CYLD: variants seen among roughly 807,000 people sequenced by gnomAD.
The protein encoded by CYLD is CYLD lysine 63 deubiquitinase.
Under a neutral mutation model 104.5 loss-of-function variants are expected in CYLD, and 26 were observed. The observed-to-expected ratio is 0.25, with a 90% CI of 0.18 to 0.35. CYLD has a LOEUF of 0.35. Among genes scored for constraint, CYLD ranks in the 10% least tolerant of loss-of-function variants. The pLI is 1.00. For synonymous variants in CYLD, 385 were observed against 399.9 expected, an observed-to-expected ratio of 0.96 and a Z score of 0.45; for missense variants, 703 against 1,136.1, an observed-to-expected ratio of 0.62 and a Z score of 5.48.
At chr16:50,755,743 T>C (rs1967158363) in intron 5 of CYLD, among the ~76,000 whole-genome samples, 1 of 152,168 alleles carries the variant, frequency 6.6e-6, no homozygotes, top group African/African-American at 2.4e-5. Flanking sequence ...GTTTTTTTCT[T>C]GCTGATTTGT....
chr16:50,767,663 A>G (rs1004934840), intron 5 of CYLD, among the ~76,000 whole-genome samples: 1 of 152,180 alleles, frequency 6.6e-6, no homozygotes, highest in Non-Finnish European at 1.5e-5. Context: ...GTTTAGTATT[A>G]TAATTTAAGA....
intron 15 of CYLD, among the ~76,000 whole-genome samples, chr16:50,792,236 A>C (rs1399127489): frequency 6.6e-6 from 1 of 152,206 alleles, no homozygotes; most frequent in Non-Finnish European, 1.5e-5. Context: ...ATTTGTTGAA[A>C]TATAATGAGT....
At chr16:50,769,503 C>T (rs778661059) in intron 5 of CYLD, among the ~76,000 whole-genome samples, 10 of 151,958 alleles carry the variant, frequency 6.6e-5, no homozygotes, top group African/African-American at 1.2e-4. Context: ...AGTCTTTGGC[C>T]GATTATTAAT....
At chr16:50,784,236 C>T in intron 11 of CYLD, 93 bp from the exon 12 acceptor site, 1 of 1,365,746 alleles carries the variant, frequency 7.3e-7, no homozygotes, top group Non-Finnish European at 1.0e-6. Flanking sequence ...GTTCTCCAGA[C>T]TTTACTTATT....
chr16:50,799,499 A>G lies in CYLD; in HGVS notation c.*2991A>G. Reference sequence around the variant, plus strand: ...AAACAGCAACAAAAATCAACTAAATATGTTGTTACTGTTGCTAAGGATTTT... The same window carrying G: ...AAACAGCAACAAAAATCAACTAAATGTGTTGTTACTGTTGCTAAGGATTTT... On this transcript the variant is annotated 3_prime_UTR_variant, in exon 19 of 19. Transcript: ENST00000427738. 2 of 233,678 alleles carry G rather than the reference A, an allele frequency of 8.6e-6. No individual in the cohort carries two copies. The highest frequency in any genetic ancestry group is 4.4e-5 in the African/African-American group (2 of 45,444). The allele number at this position is 233,678 out of a possible 1,614,324, so 14.5% of individuals were successfully genotyped here. A position where few individuals can be genotyped will look rare whatever the true frequency, so the allele number is the denominator to read the frequency against.
intron 5 of CYLD, among the ~76,000 whole-genome samples, chr16:50,765,507 C>T (rs1968403908): frequency 6.6e-6 from 1 of 152,128 alleles, no homozygotes; most frequent in Non-Finnish European, 1.5e-5. Context: ...AGTCATAATC[C>T]TACAATGGCC....
chr16:50,747,539 G>A (rs1437409137), intron 2 of CYLD, among the ~76,000 whole-genome samples: 1 of 152,178 alleles, frequency 6.6e-6, no homozygotes, highest in Non-Finnish European at 1.5e-5. Flanking sequence ...ACATTTTCTT[G>A]TGGAAAGTGT....
At chr16:50,771,924 C>T (rs1488017386) in intron 5 of CYLD, among the ~76,000 whole-genome samples, 2 of 152,132 alleles carry the variant, frequency 1.3e-5, no homozygotes, top group Non-Finnish European at 2.9e-5. Context: ...GTGTGTCTGT[C>T]CTACTGCCCA....
At position 50,751,826 on chromosome 16, in the gene CYLD, A is replaced by G. The variant is rs1966645637; in HGVS notation, c.727A>G (p.Thr243Ala). The stretch of plus-strand genomic sequence containing the variant: ...CAGAGTTTCTTTGAAGGTTGGAGAA[A>G]CAATAGAATCTGGAACAGTTATATT... Reference protein sequence around the residue: ...NSRVSLKVGETIESGTVIFCD... With the variant: ...NSRVSLKVGEAIESGTVIFCD... The change falls in exon 4 of 19, where the codon ACA becomes GCA. Residue 243 changes from threonine to alanine, a missense_variant. Physicochemically the swap from Thr to Ala is moderately conservative, Grantham distance 58 (BLOSUM62 0). Transcript: ENST00000427738. 6.2e-7 allele frequency: 1 copy of G among 1,613,510 alleles called. No homozygotes were observed. The highest frequency in any genetic ancestry group is 1.7e-5 in the Admixed American group (1 of 59,908).
chr16:50,779,629 T>C, intron 8 of CYLD, 36 bp from the exon 9 acceptor site: 2 of 1,607,050 alleles, frequency 1.2e-6, no homozygotes, highest in South Asian at 2.2e-5. Flanking sequence ...GTCAATATCC[T>C]TGAATACATT....
chr16:50,763,493 G>A (rs1193011723), intron 5 of CYLD, among the ~76,000 whole-genome samples: 1 of 152,114 alleles, frequency 6.6e-6, no homozygotes, highest in Non-Finnish European at 1.5e-5. Context: ...TACTAGCAGT[G>A]TGTAAGCGTT....
At chr16:50,788,136 T>C (rs1458863614) in intron 14 of CYLD, among the ~76,000 whole-genome samples, 2 of 152,202 alleles carry the variant, frequency 1.3e-5, no homozygotes, top group Non-Finnish European at 2.9e-5. Context: ...TATATATATT[T>C]TCATAATTTC....
At chr16:50,766,736 T>G (rs9925070) in intron 5 of CYLD, among the ~76,000 whole-genome samples, 48,009 of 152,034 alleles carry the variant, frequency 0.32, 8,835 homozygotes, top group Non-Finnish European at 0.42. Context: ...GGACTGAAGA[T>G]TTCAGTGGAA....
Position 50,799,892 on chromosome 16 carries a change from G to A in CYLD, c.*3384G>A, listed in dbSNP as rs886052066. 7.7e-5 allele frequency: 18 copies of A among 232,780 alleles called. No individual in the cohort carries two copies. The highest frequency in any genetic ancestry group is 1.4e-4 in the Non-Finnish European group (16 of 117,858). The allele number at this position is 232,780 out of a possible 1,614,324, so 14.4% of individuals were successfully genotyped here. ...AACTGCCAACCAAGAAGTATTTATCGGACACTTACTAGGTGCCTAGGATTG... is the reference window on the plus strand; with the variant it reads ...AACTGCCAACCAAGAAGTATTTATCAGACACTTACTAGGTGCCTAGGATTG... On this transcript the variant is annotated 3_prime_UTR_variant, in exon 19 of 19. Coordinates refer to ENST00000427738, the MANE Select transcript of CYLD (RefSeq NM_001378743.1).
Position 50,750,211 on chromosome 16 carries a change from G to T in CYLD, c.504+9G>T, listed in dbSNP as rs770864888. On this transcript the variant is annotated intron_variant, in intron 3 of 18. Transcript: ENST00000427738. The stretch of plus-strand genomic sequence containing the variant: ...TTGGAGTTGAATTGCTGGTAAGTTT[G>T]ATAAACCATTTTAGTAGTGTGTTTG... 7 of 1,613,474 alleles carry T rather than the reference G, an allele frequency of 4.3e-6. No homozygotes were observed. Among genetic ancestry groups the T allele is most frequent in the Middle Eastern group, 1.7e-4 (1 of 6,058 alleles).
At chr16:50,751,334 G>T (rs1029372840) in intron 3 of CYLD, among the ~76,000 whole-genome samples, 6 of 152,140 alleles carry the variant, frequency 3.9e-5, no homozygotes, top group African/African-American at 1.4e-4. Flanking sequence ...CCAAATTAAT[G>T]TTAGAATCAC....
At chr16:50,746,659 A>G (rs1339911558) in intron 2 of CYLD, among the ~76,000 whole-genome samples, 1 of 152,196 alleles carries the variant, frequency 6.6e-6, no homozygotes, top group African/African-American at 2.4e-5. Flanking sequence ...TGTAGAGTTC[A>G]CTTTAAAATA....
chr16:50,768,667 C>G (rs1038101759), intron 5 of CYLD, among the ~76,000 whole-genome samples: 1 of 152,124 alleles, frequency 6.6e-6, no homozygotes, highest in African/African-American at 2.4e-5. Flanking sequence ...TGTTCATGTT[C>G]TTGAAGTTGT....
intron 5 of CYLD, among the ~76,000 whole-genome samples, chr16:50,761,111 A>G (rs901443118): frequency 6.6e-5 from 10 of 152,132 alleles, no homozygotes; most frequent in African/African-American, 2.4e-4. Context: ...TCTGTTGCCT[A>G]TTTTTAAATT....
Sources: gnomAD v4.1 joint callset for allele counts (sites outside exome capture counted in the v4.1 genomes callset) on GRCh38, gnomAD v4.1.1 for gene constraint, MANE v1.5 for transcripts, NCBI Gene and HGNC (gene_info 2026-07-23, HGNC 2026-07-21) for gene names.